Variants in SMG1 observed in about 807,000 individuals in gnomAD.
The protein encoded by SMG1 is serine/threonine-protein kinase SMG1.
Under a neutral mutation model 419.9 loss-of-function variants are expected in SMG1, and 22 were observed. The ratio of observed to expected loss-of-function variants is 0.05; its 90% CI spans 0.04 to 0.07. The LOEUF (loss-of-function observed/expected upper bound fraction) is 0.07. SMG1 is among the 10% of genes least tolerant of loss of function. The pLI is 1.00. For missense variants in SMG1, 3,185 were observed against 4,342.0 expected, an observed-to-expected ratio of 0.73 and a Z score of 7.49; for synonymous variants, 1,538 against 1,553.5, an observed-to-expected ratio of 0.99 and a Z score of 0.23.
Position 18,853,824 on chromosome 16 carries a change from T to C in SMG1, c.4527A>G (p.Ile1509Met), listed in dbSNP as rs950680625. The change falls in exon 31 of 63, where the codon ATA becomes ATG. Residue 1509 changes from isoleucine (I) to methionine (M), a missense_variant. This residue lies in a region of SMG1 where 493 missense variants were observed against 552.9 expected (regional missense o/e 0.89). Transcript: ENST00000446231. ...HAMEMLSSCAISFCKSVKAEY... is the reference protein window; with the variant it reads ...HAMEMLSSCAMSFCKSVKAEY... ...CAGCTTTCACAGACTTGCAGAAAGA[T>C]ATGGCACAAGAACTCAACATTTCCA... 1.4e-5 allele frequency: 22 copies of C among 1,613,296 alleles called. No homozygotes were observed. The highest frequency in any genetic ancestry group is 2.2e-5 in the East Asian group (1 of 44,884).
intron 62 of SMG1, among the ~76,000 whole-genome samples, chr16:18,811,019 C>A (rs1475755504): frequency 2.0e-5 from 3 of 152,070 alleles, no homozygotes; most frequent in East Asian, 3.9e-4. Flanking sequence ...ATTAGTAAGA[C>A]TAATGAAAAA....
intron 1 of SMG1, among the ~76,000 whole-genome samples, chr16:18,903,588 T>A (rs1404526560): frequency 6.6e-6 from 1 of 152,218 alleles, no homozygotes; most frequent in East Asian, 1.9e-4. Context: ...TAACAAGAGC[T>A]AGTGGGCAAC....
At chr16:18,890,457 G>T (rs1017793468) in intron 5 of SMG1, among the ~76,000 whole-genome samples, 3 of 152,140 alleles carry the variant, frequency 2.0e-5, no homozygotes, top group Non-Finnish European at 4.4e-5. Context: ...GGCCAACATG[G>T]TGAAACTGCA....
chr16:18,819,368 T>A (rs189497038), intron 56 of SMG1, 134 bp downstream of exon 56: 255 of 867,776 alleles, frequency 2.9e-4, no homozygotes, highest in Admixed American at 1.1e-3. Flanking sequence ...GAAAGGCCCA[T>A]CCGTCCCTCC....
intron 11 of SMG1, chr16:18,878,606 CAA>C (rs35169039): frequency 1.1e-3 from 106 of 98,542 alleles, no homozygotes; most frequent in African/African-American, 2.4e-3. Context: ...GATCCTGTGA[CAA>C]AAAAAAAAAA....
At chr16:18,816,231 C>G (rs921327283) in intron 58 of SMG1, 71 bp downstream of exon 58, 2 of 1,187,202 alleles carry the variant, frequency 1.7e-6, no homozygotes, top group Admixed American at 2.6e-5. Context: ...ACTGTTTTTC[C>G]TATAAATAAA....
chr16:18,907,587 C>T (rs374512886), intron 1 of SMG1, among the ~76,000 whole-genome samples: 1 of 152,016 alleles, frequency 6.6e-6, no homozygotes, highest in Non-Finnish European at 1.5e-5. Context: ...CAGTGGCTCT[C>T]GCCTATAATC....
At chr16:18,887,373 A>G (rs1162507481) in intron 6 of SMG1, among the ~76,000 whole-genome samples, 1 of 151,932 alleles carries the variant, frequency 6.6e-6, no homozygotes, top group African/African-American at 2.4e-5. Context: ...TTTTTGAGAT[A>G]GGGTTGCCTA....
rs907093424 is a variant in SMG1 at position 18,816,649 on chromosome 16, TAA to T, written c.10075-122_10075-121del. 1.1e-5 allele frequency: 8 copies of T among 735,726 alleles called. No individual in the cohort carries two copies. The African/African-American group carries it at 1.4e-4, about 13-fold the overall frequency. 45.6% of individuals were successfully genotyped at this position (735,726 alleles called of 1,614,324 possible). ...CTGACACAAAGAGAACCTCCATTGC[TAA>T]GTCATGAATTAATTACCTACAAGTT... is the stretch of plus-strand genomic sequence containing the variant. On this transcript the variant is annotated intron_variant, in intron 57 of 62. Transcript: ENST00000446231.
chr16:18,835,897 T>A (rs1398523402), intron 48 of SMG1, 36 bp downstream of exon 48: 1 of 1,539,992 alleles, frequency 6.5e-7, no homozygotes, highest in Non-Finnish European at 8.8e-7. Flanking sequence ...AGACTCCGTC[T>A]CAAAAATAAA....
chr16:18,926,156 A>AAGGAGG lies in SMG1; in HGVS notation c.-121_-116dup, dbSNP rs367683864. 4,304 of 674,852 alleles carry AAGGAGG rather than the reference A, an allele frequency of 6.4e-3. 49 individuals are homozygous for AAGGAGG. The highest frequency in any genetic ancestry group is 0.038 in the African/African-American group (1,982 of 51,524). 41.8% of individuals were successfully genotyped at this position (674,852 alleles called of 1,614,324 possible). On this transcript the variant is annotated 5_prime_UTR_variant, in exon 1 of 63. Coordinates refer to ENST00000446231, the MANE Select transcript of SMG1 (RefSeq NM_015092.5). The stretch of plus-strand genomic sequence containing the variant: ...GCCCGGGGCTGAGGAGGAAGCCGAG[A>AAGGAGG]AGGAGGAGGAGGAGGAGGAGGAGGA...
chr16:18,919,640 G>A (rs1320906047), intron 1 of SMG1, among the ~76,000 whole-genome samples: 4 of 105,766 alleles, frequency 3.8e-5, no homozygotes, highest in African/African-American at 7.9e-5. Flanking sequence ...AAAAATGTGT[G>A]TGTGTGTGTG....
intron 5 of SMG1, 40 bp from the exon 6 acceptor site, chr16:18,889,625 G>A (rs2036790499): frequency 3.8e-6 from 2 of 519,572 alleles, no homozygotes; most frequent in African/African-American, 2.0e-5. Context: ...ACACACAAAA[G>A]GCTTAAGTTT....
At chr16:18,818,088 A>C (rs1196319288) in intron 56 of SMG1, among the ~76,000 whole-genome samples, 1 of 151,362 alleles carries the variant, frequency 6.6e-6, no homozygotes, top group Non-Finnish European at 1.5e-5. Context: ...TAAAAAAAAA[A>C]AAAAAATTTA....
chr16:18,811,232 T>C lies in SMG1; in HGVS notation c.10908+529A>G, dbSNP rs144061561. Among the ~76,000 whole-genome samples, 370 of 152,298 alleles carry C rather than the reference T, an allele frequency of 2.4e-3. No individual in the cohort carries two copies. The Middle Eastern group carries it at 0.044, about 18-fold the overall frequency. The stretch of plus-strand genomic sequence containing the variant: ...CACACAGAATCCACTTATGCCTTAT[T>C]ATACACATAGCCTGAAGGTAATTTT... On this transcript the variant is annotated intron_variant, in intron 62 of 62. Coordinates refer to ENST00000446231, the MANE Select transcript of SMG1 (RefSeq NM_015092.5).
rs1464800030 is a variant in SMG1, at chr16:18,919,655, TATACACACACAC to T, written c.92+6283_92+6294del. Among the ~76,000 whole-genome samples, 227 of 80,034 alleles carry T rather than the reference TATACACACACAC, an allele frequency of 2.8e-3. 5 individuals carry two copies. The highest frequency in any genetic ancestry group is 0.01 in the African/African-American group (211 of 20,880). 52.5% of individuals were successfully genotyped at this position (80,034 alleles called of 152,430 possible). On this transcript the variant is annotated intron_variant, in intron 1 of 62. Transcript: ENST00000446231. ...AAAAATGTGTGTGTGTGTGTGTATA[TATACACACACAC>T]ACACACACACACACACACACACACA...
chr16:18,870,844 G>A lies in SMG1; in HGVS notation c.2347C>T (p.Leu783=). The A allele has an allele frequency of 3.1e-6, 5 of 1,588,700 alleles. No individual in the cohort carries two copies. Among genetic ancestry groups the A allele is most frequent in the Non-Finnish European group, 4.3e-6 (5 of 1,167,196 alleles). The change falls in exon 17 of 63, where the codon CTA becomes TTA. Residue 783 remains leucine, a synonymous_variant. Coordinates refer to ENST00000446231, the MANE Select transcript of SMG1 (RefSeq NM_015092.5). ...GGCAAGGAAGAGGACAGAGCATGTA[G>A]ACTGCTGCATGCCTGCAGACAGATA... ...VNICLQACSS[L]HALSSSLPDD...
In SMG1 at chr16:18,870,770, A is replaced by C. The variant is rs536880877; in HGVS notation, c.2390+31T>G. 267 of 1,500,910 alleles carry C rather than the reference A, an allele frequency of 1.8e-4. No individual in the cohort carries two copies. The South Asian group carries it at 1.8e-3, about 10-fold the overall frequency. 93.0% of individuals were successfully genotyped at this position (1,500,910 alleles called of 1,614,324 possible). Reference sequence around the variant, plus strand: ...TTAACATTTCCAGGTTATTAGGGTTAATGTCAAAAGACATGATCTTAATTT... The same window carrying C: ...TTAACATTTCCAGGTTATTAGGGTTCATGTCAAAAGACATGATCTTAATTT... On this transcript the variant is annotated intron_variant, in intron 17 of 62. Transcript: ENST00000446231.
At chr16:18,914,226 C>G (rs1349099535) in intron 1 of SMG1, among the ~76,000 whole-genome samples, 2 of 151,308 alleles carry the variant, frequency 1.3e-5, no homozygotes, top group Non-Finnish European at 2.9e-5. Context: ...CAAAAAAAGT[C>G]TATAATAGGT....
Sources: gnomAD v4.1 joint callset for allele counts (sites outside exome capture counted in the v4.1 genomes callset) on GRCh38, gnomAD v4.1.1 for gene constraint, gnomAD v4.1.1 regional missense constraint, MANE v1.5 for transcripts, NCBI Gene and HGNC (gene_info 2026-07-23, HGNC 2026-07-21) for gene names.